The following RCN2 variants were observed in gnomAD, a reference collection of about 807,000 sequenced individuals.
The protein encoded by RCN2 is reticulocalbin-2.
Under a neutral mutation model 37.5 loss-of-function variants are expected in RCN2, and 23 were observed. That is an observed-to-expected ratio of 0.61 (90% CI 0.44 to 0.87). The LOEUF is 0.87. Among genes scored for constraint, RCN2 ranks in the 40% least tolerant of loss-of-function variants. RCN2 has a pLI of 0.00. For synonymous variants in RCN2, 140 were observed against 144.6 expected, an observed-to-expected ratio of 0.97 and a Z score of 0.23; for missense variants, 381 against 390.4, an observed-to-expected ratio of 0.98 and a Z score of 0.20.
At chr15:76,948,929 A>G in intron 6 of RCN2, 141 bp from the exon 7 acceptor site, 1 of 771,518 alleles carries the variant, frequency 1.3e-6, no homozygotes, top group South Asian at 1.9e-5. Flanking sequence ...ACCTGGTTAC[A>G]ACGTGTAACA....
intron 4 of RCN2, among the ~76,000 whole-genome samples, chr15:76,945,335 C>A (rs977970116): frequency 3.9e-5 from 6 of 152,120 alleles, no homozygotes; most frequent in African/African-American, 1.4e-4. Flanking sequence ...TACAACATCA[C>A]TTATGAAAGC....
Position 76,948,545 on chromosome 15 carries a change from A to T in RCN2, c.794A>T (p.Gln265Leu), listed in dbSNP as rs1460522302. The T allele has an allele frequency of 6.4e-7, 1 of 1,568,158 alleles. No individual in the cohort carries two copies. The highest frequency in any genetic ancestry group is 1.4e-5 in the African/African-American group (1 of 73,798). The change falls in exon 6 of 7, where the codon CAA becomes CTA. Residue 265 changes from glutamine to leucine, a missense_variant. Transcript: ENST00000394885. ...WVVPNNQGIAQEEALHLIDEM... is the reference protein window; with the variant it reads ...WVVPNNQGIALEEALHLIDEM... ...GTACCTAATAATCAGGGCATTGCACAAGAGGAGGTAAGTGTTACAGAACAA... is the reference window on the plus strand; with the variant it reads ...GTACCTAATAATCAGGGCATTGCACTAGAGGAGGTAAGTGTTACAGAACAA...
At position 76,931,853 on chromosome 15, in the gene RCN2, C is replaced by T. The variant is rs947580612; in HGVS notation, c.12C>T (p.Gly4=). The change falls in exon 1 of 7, where the codon GGC becomes GGT. Residue 4 remains glycine (G), a synonymous_variant. Transcript: ENST00000394885. ...CGCGGGCCGGCGCGATGCGGCTGGGCCCGAGGACCGCGGCGTTGGGGCTGC... is the reference window on the plus strand; with the variant it reads ...CGCGGGCCGGCGCGATGCGGCTGGGTCCGAGGACCGCGGCGTTGGGGCTGC... MRL[G]PRTAALGLLL... 23 of 1,268,334 alleles carry T rather than the reference C, an allele frequency of 1.8e-5. No individual in the cohort carries two copies. The Admixed American group carries it at 2.8e-4, about 16-fold the overall frequency. The allele number at this position is 1,268,334 out of a possible 1,614,324, so 78.6% of individuals were successfully genotyped here.
Position 76,943,801 on chromosome 15 carries a change from A to C in RCN2, c.491A>C (p.Asp164Ala), listed in dbSNP as rs1184092822. Residue 164 changes from aspartate to alanine, a missense_variant, in exon 4 of 7, where the codon GAT becomes GCT. Transcript: ENST00000394885. The stretch of plus-strand genomic sequence containing the variant: ...AAGCGATTTGAAAAAGCTAACCAGG[A>C]TTCAGGTCCCGGTTTGAGTCTTGAA... ...DKKRFEKANQ[D>A]SGPGLSLEEF... 6.2e-7 allele frequency: 1 copy of C among 1,608,540 alleles called. No individual in the cohort carries two copies. The highest frequency in any genetic ancestry group is 8.5e-7 in the Non-Finnish European group (1 of 1,175,896).
chr15:76,931,951 G>A lies in RCN2; in HGVS notation c.110G>A (p.Ser37Asn). 2 of 1,287,328 alleles carry A rather than the reference G, an allele frequency of 1.6e-6. No homozygotes were observed. Among genetic ancestry groups the A allele is most frequent in the Non-Finnish European group, 2.0e-6 (2 of 1,021,928 alleles). The allele number at this position is 1,287,328 out of a possible 1,614,324, so 79.7% of individuals were successfully genotyped here. A position where few individuals can be genotyped will look rare whatever the true frequency, so the allele number is the denominator to read the frequency against. ...CACTACCCGCTGGGCGAGCGCCGCA[G>A]CGACTACGACCGCGAGGCGCTGCTG... ...ELHYPLGERR[S>N]DYDREALLGV... The change falls in exon 1 of 7, where the codon AGC (serine) becomes AAC (asparagine). Residue 37 changes from serine to asparagine, a missense_variant. By Grantham distance (46) the Ser-to-Asn change is conservative. Transcript: ENST00000394885.
At chr15:76,945,770 A>G (rs921875602) in intron 4 of RCN2, among the ~76,000 whole-genome samples, 1 of 152,256 alleles carries the variant, frequency 6.6e-6, no homozygotes, top group Non-Finnish European at 1.5e-5. Flanking sequence ...AAGGCTGCAG[A>G]TACATTTTTC....
rs1436375677 is a variant in RCN2 at position 76,948,499 on chromosome 15, C to G, written c.748C>G (p.Gln250Glu). The G allele has an allele frequency of 6.2e-7, 1 of 1,608,442 alleles. No homozygotes were observed. The highest frequency in any genetic ancestry group is 1.7e-5 in the Admixed American group (1 of 59,320). Residue 250 changes from glutamine (Q) to glutamate (E), a missense_variant, in exon 6 of 7, where the codon CAA becomes GAA. Coordinates refer to ENST00000394885, the MANE Select transcript of RCN2 (RefSeq NM_002902.3). ...DKDNDGRLDP[Q>E]ELLPWVVPNN... ...AGATAACGATGGCAGGCTTGATCCC[C>G]AAGAGCTGTTACCTTGGGTAGTACC...
chr15:76,947,518 G>T lies in RCN2; in HGVS notation c.658+1G>T. The stretch of plus-strand genomic sequence containing the variant: ...CTTGGTGATTACAGGTGGGATCCAA[G>T]TAAGTCACCTGGGAGAATGTGAAAA... On this transcript the variant is annotated splice_donor_variant, in intron 5 of 6. Coordinates refer to ENST00000394885, the MANE Select transcript of RCN2 (RefSeq NM_002902.3). LOFTEE classifies it high-confidence loss of function. 1.9e-6 allele frequency: 3 copies of T among 1,556,098 alleles called. No individual in the cohort carries two copies. Among genetic ancestry groups the T allele is most frequent in the Non-Finnish European group, 2.6e-6 (3 of 1,133,168 alleles).
chr15:76,938,616 C>T (rs1300155522), intron 3 of RCN2: 33 of 417,760 alleles, frequency 7.9e-5, no homozygotes, highest in Admixed American at 7.8e-4. Flanking sequence ...CCATTCCCTC[C>T]TTGGTAAATG....
At chr15:76,943,431 G>A (rs189618065) in intron 3 of RCN2, 1 of 201,002 alleles carries the variant, frequency 5.0e-6, no homozygotes, top group Non-Finnish European at 1.0e-5. Flanking sequence ...TTTATTAATG[G>A]TGTGGTAGGG....
intron 3 of RCN2, chr15:76,941,599 T>G (rs567602520): frequency 1.6e-6 from 2 of 1,247,172 alleles, no homozygotes; most frequent in East Asian, 2.6e-5. Flanking sequence ...AGTGTTGAAG[T>G]TTTATGAAAC....
intron 4 of RCN2, 109 bp downstream of exon 4, chr15:76,943,980 GAGA>G: frequency 7.6e-6 from 2 of 264,866 alleles, no homozygotes; most frequent in Non-Finnish European, 7.2e-6. Flanking sequence ...TGGGATACAT[GAGA>G]CTTTTTTTTT....
intron 4 of RCN2, among the ~76,000 whole-genome samples, chr15:76,944,952 A>G (rs1424098476): frequency 6.6e-6 from 1 of 152,218 alleles, no homozygotes; most frequent in East Asian, 1.9e-4. Flanking sequence ...AGGAACCTCC[A>G]AACTGTTCTC....
chr15:76,934,270 A>G (rs867777194), intron 2 of RCN2, among the ~76,000 whole-genome samples: 1 of 152,000 alleles, frequency 6.6e-6, no homozygotes, highest in Non-Finnish European at 1.5e-5. Context: ...CAGCCTCCCA[A>G]GTAGCTGGGA....
At chr15:76,948,965 G>C (rs2075307626) in intron 6 of RCN2, 105 bp from the exon 7 acceptor site, 3 of 1,013,152 alleles carry the variant, frequency 3.0e-6, no homozygotes, top group Non-Finnish European at 4.3e-6. Flanking sequence ...ACAATAATGA[G>C]TACTTGTACA....
Position 76,931,869 on chromosome 15 carries a change from T to C in RCN2, c.28T>C (p.Leu10=), listed in dbSNP as rs1596000737. 5.4e-6 allele frequency: 7 copies of C among 1,298,776 alleles called. No individual in the cohort carries two copies. The highest frequency in any genetic ancestry group is 6.8e-6 in the Non-Finnish European group (7 of 1,023,998). The allele number at this position is 1,298,776 out of a possible 1,614,324, so 80.5% of individuals were successfully genotyped here. A position where few individuals can be genotyped will look rare whatever the true frequency, so the allele number is the denominator to read the frequency against. Residue 10 remains leucine, a synonymous_variant, in exon 1 of 7, where the codon TTG becomes CTG. Transcript: ENST00000394885. ...GCGGCTGGGCCCGAGGACCGCGGCG[T>C]TGGGGCTGCTGCTGCTGTGCGCCGC... MRLGPRTAA[L]GLLLLCAAAA...
At chr15:76,940,203 A>G (rs1272811559) in intron 3 of RCN2, among the ~76,000 whole-genome samples, 3 of 151,778 alleles carry the variant, frequency 2.0e-5, no homozygotes, top group Non-Finnish European at 2.9e-5. Flanking sequence ...TCCTGTGTGT[A>G]TGTGTAGTCC....
At chr15:76,948,350 C>A in intron 5 of RCN2, 60 bp from the exon 6 acceptor site, 1 of 1,249,512 alleles carries the variant, frequency 8.0e-7, no homozygotes, top group South Asian at 1.7e-5. Context: ...ATATACCAAA[C>A]TTCTTATTGG....
chr15:76,946,143 A>G (rs546133797), intron 4 of RCN2, among the ~76,000 whole-genome samples: 4 of 152,364 alleles, frequency 2.6e-5, no homozygotes, highest in South Asian at 4.1e-4. Context: ...CTTACTAAAT[A>G]AGTGTTAAGG....
Sources: gnomAD v4.1 joint callset for allele counts (sites outside exome capture counted in the v4.1 genomes callset) on GRCh38, gnomAD v4.1.1 for gene constraint, MANE v1.5 for transcripts, NCBI Gene and HGNC (gene_info 2026-07-23, HGNC 2026-07-21) for gene names.